The following MARCHF1 variants were observed in gnomAD, a reference collection of about 807,000 sequenced individuals.
MARCHF1 encodes membrane associated ring-CH-type finger 1.
MARCHF1 carries 40 observed loss-of-function variants against 54.2 expected under a neutral mutation model. That is an observed-to-expected ratio of 0.74 (90% CI 0.57 to 0.96). MARCHF1 has a LOEUF of 0.96. Ranked by LOEUF, MARCHF1 falls within the 40% of genes least tolerant of loss-of-function variation. The pLI, the probability that MARCHF1 is intolerant of heterozygous loss-of-function variation, is 0.00. For missense variants in MARCHF1, 586 were observed against 656.5 expected (o/e 0.89, Z 1.17); for synonymous variants, 236 against 236.3 (o/e 1.00, Z 0.01).
intron 1 of MARCHF1, among the ~76,000 whole-genome samples, chr4:164,196,144 G>A (rs535754742): frequency 6.6e-6 from 1 of 152,054 alleles, no homozygotes; most frequent in East Asian, 1.9e-4. Context: ...GTTGCTGGTT[G>A]TATCTTTCAA....
intron 2 of MARCHF1, among the ~76,000 whole-genome samples, chr4:164,079,651 C>T (rs549948026): frequency 1.2e-4 from 19 of 152,002 alleles, no homozygotes; most frequent in Admixed American, 9.8e-4. Flanking sequence ...TAGAAGTTTC[C>T]TAGGTATTTA....
intron 3 of MARCHF1, among the ~76,000 whole-genome samples, chr4:163,969,203 A>G (rs1415083553): frequency 6.6e-6 from 1 of 152,206 alleles, no homozygotes; most frequent in Non-Finnish European, 1.5e-5. Context: ...TTCCCTCTTC[A>G]TATGCACAGC....
At chr4:163,968,867 C>CA (rs1201773005) in intron 3 of MARCHF1, among the ~76,000 whole-genome samples, 3 of 152,088 alleles carry the variant, frequency 2.0e-5, no homozygotes, top group Admixed American at 2.0e-4. Flanking sequence ...ATTGTTTATC[C>CA]AAAATCACTG....
chr4:163,809,027 C>T (rs1441896980), intron 4 of MARCHF1, among the ~76,000 whole-genome samples: 1 of 152,134 alleles, frequency 6.6e-6, no homozygotes, highest in Non-Finnish European at 1.5e-5. Flanking sequence ...TAGGTCCTCT[C>T]TTCCTCCTTT....
chr4:164,026,685 G>A (rs534222655), intron 2 of MARCHF1, among the ~76,000 whole-genome samples: 1 of 152,188 alleles, frequency 6.6e-6, no homozygotes, highest in African/African-American at 2.4e-5. Context: ...ACAAGACAAG[G>A]ATGCCCAGTC....
At chr4:163,844,077 C>A (rs1392773856) in intron 4 of MARCHF1, among the ~76,000 whole-genome samples, 1 of 151,890 alleles carries the variant, frequency 6.6e-6, no homozygotes, top group African/African-American at 2.4e-5. Flanking sequence ...ATTTCATCAC[C>A]CAAGTATTAA....
chr4:164,345,573 C>CATCATA (rs1379040625), intron 1 of MARCHF1, among the ~76,000 whole-genome samples: 11 of 143,392 alleles, frequency 7.7e-5, no homozygotes, highest in African/African-American at 2.6e-4. Context: ...CTGTCTCAAA[C>CATCATA]ATAATAATAA....
chr4:163,967,134 G>T (rs983024853), intron 3 of MARCHF1, among the ~76,000 whole-genome samples: 5 of 152,086 alleles, frequency 3.3e-5, no homozygotes, highest in Non-Finnish European at 7.4e-5. Flanking sequence ...ATGTCTTTTG[G>T]AATCAGATCA....
intron 4 of MARCHF1, among the ~76,000 whole-genome samples, chr4:163,734,664 G>A (rs1411403948): frequency 6.6e-6 from 1 of 152,084 alleles, no homozygotes; most frequent in Non-Finnish European, 1.5e-5. Flanking sequence ...ATAATTGCCT[G>A]GGGATAAAAG....
At chr4:163,575,796 T>G (rs947264478) in intron 8 of MARCHF1, among the ~76,000 whole-genome samples, 1 of 152,074 alleles carries the variant, frequency 6.6e-6, no homozygotes, top group Non-Finnish European at 1.5e-5. Flanking sequence ...TTCCAGAAAT[T>G]TATCTTTTAC....
intron 2 of MARCHF1, among the ~76,000 whole-genome samples, chr4:164,010,189 C>T (rs967089114): frequency 2.6e-5 from 4 of 151,464 alleles, no homozygotes; most frequent in African/African-American, 9.7e-5. Context: ...GCCTCAGCCT[C>T]CCAAGTAGCT....
chr4:163,989,286 TGAGAGAGAGAGAGA>T (rs35987221), intron 2 of MARCHF1, among the ~76,000 whole-genome samples: 1 of 144,818 alleles, frequency 6.9e-6, no homozygotes, highest in African/African-American at 2.7e-5. Context: ...AATGAGGTGT[TGAGAGAGAGAGAGA>T]GAGAGAGAGA....
chr4:164,066,376 G>A (rs1754730151), intron 2 of MARCHF1, among the ~76,000 whole-genome samples: 1 of 152,152 alleles, frequency 6.6e-6, no homozygotes, highest in Admixed American at 6.5e-5. Flanking sequence ...ATAACATGCT[G>A]GTGAGGTTGT....
intron 9 of MARCHF1, among the ~76,000 whole-genome samples, chr4:163,541,229 G>A (rs1738714595): frequency 6.6e-6 from 1 of 152,238 alleles, no homozygotes; most frequent in African/African-American, 2.4e-5. Flanking sequence ...GGAGGAGCTT[G>A]GAGGCTTGGG....
At chr4:164,102,062 G>T (rs1755575566) in intron 2 of MARCHF1, among the ~76,000 whole-genome samples, 1 of 96,856 alleles carries the variant, frequency 1.0e-5, no homozygotes, top group Non-Finnish European at 2.1e-5. Flanking sequence ...GAAGTTTAGA[G>T]AAAAAAGAAT....
intron 1 of MARCHF1, among the ~76,000 whole-genome samples, chr4:164,295,836 A>C (rs931322999): frequency 3.3e-5 from 5 of 152,154 alleles, no homozygotes; most frequent in African/African-American, 1.2e-4. Context: ...ACCTAAACTA[A>C]AGCAAGAGGG....
intron 1 of MARCHF1, among the ~76,000 whole-genome samples, chr4:164,221,974 G>A (rs1459694079): frequency 1.0e-5 from 1 of 95,928 alleles, no homozygotes; most frequent in Non-Finnish European, 2.0e-5. Context: ...AAGAAATCAG[G>A]GTTCAGGTAG....
intron 7 of MARCHF1, among the ~76,000 whole-genome samples, chr4:163,591,910 G>A (rs1227369832): frequency 2.0e-5 from 3 of 152,114 alleles, no homozygotes; most frequent in South Asian, 2.1e-4. Flanking sequence ...GAAAGGAGAA[G>A]TAACATACTT....
chr4:163,808,890 C>T (rs890813298), intron 4 of MARCHF1, among the ~76,000 whole-genome samples: 2 of 152,074 alleles, frequency 1.3e-5, no homozygotes, highest in Admixed American at 6.6e-5. Flanking sequence ...TTTAAGTACA[C>T]GTTAGTATTT....
Sources: allele counts gnomAD v4.1 joint callset (sites outside exome capture counted in the v4.1 genomes callset), GRCh38; gene constraint gnomAD v4.1.1; transcripts MANE v1.5; gene names NCBI Gene and HGNC (gene_info 2026-07-23, HGNC 2026-07-21).